NTNG1: variants seen among roughly 807,000 people sequenced by gnomAD.
The protein encoded by NTNG1 is netrin G1, also known as netrin-G1.
Under a neutral mutation model 54.0 loss-of-function variants are expected in NTNG1, and 16 were observed. The ratio of observed to expected loss-of-function variants is 0.30; its 90% CI spans 0.20 to 0.45. NTNG1 has a LOEUF of 0.45. Ranked by LOEUF, NTNG1 falls within the 20% of genes least tolerant of loss-of-function variation. NTNG1 has a pLI of 1.00. For synonymous variants in NTNG1, 255 were observed against 263.1 expected, an observed-to-expected ratio of 0.97 and a Z score of 0.30; for missense variants, 530 against 678.7, an observed-to-expected ratio of 0.78 and a Z score of 2.43.
In NTNG1 at chr1:107,192,274, G is replaced by C. The variant is rs551317043; in HGVS notation, c.246+43435G>C. On this transcript the variant is annotated intron_variant, in intron 2 of 7. Transcript: ENST00000370068. ...TTTTGTACCATCTTACACTCTACTT[G>C]CTCTGTGCCCCTGTGTGTCTGACTT... 5.8e-4 allele frequency among the ~76,000 whole-genome samples: 88 copies of C among 152,056 alleles called. 3 individuals are homozygous for C. In the South Asian group the frequency reaches 0.018, roughly 30 times the overall value.
intron 3 of NTNG1, among the ~76,000 whole-genome samples, chr1:107,370,509 C>G (rs984139708): frequency 2.0e-5 from 3 of 151,832 alleles, no homozygotes; most frequent in Admixed American, 2.0e-4. Context: ...CCCTCACCCC[C>G]CTTTCATACT....
At chr1:107,440,922 G>A (rs969077024) in intron 7 of NTNG1, among the ~76,000 whole-genome samples, 10 of 152,104 alleles carry the variant, frequency 6.6e-5, no homozygotes, top group Admixed American at 2.6e-4. Flanking sequence ...TCTTTAGACA[G>A]CATAGAACAA....
chr1:107,206,554 G>A (rs79983254), intron 2 of NTNG1, among the ~76,000 whole-genome samples: 30 of 152,190 alleles, frequency 2.0e-4, no homozygotes, highest in African/African-American at 7.2e-4. Flanking sequence ...TTCTTCTCAT[G>A]TGCCTTTCAC....
chr1:107,329,458 C>A (rs74110611), intron 3 of NTNG1, among the ~76,000 whole-genome samples: 1 of 152,094 alleles, frequency 6.6e-6, no homozygotes, highest in African/African-American at 2.4e-5. Context: ...ATGGTTAGTG[C>A]GAAAGATGTG....
intron 7 of NTNG1, among the ~76,000 whole-genome samples, chr1:107,474,523 G>C (rs1488402066): frequency 6.6e-6 from 1 of 152,190 alleles, no homozygotes; most frequent in African/African-American, 2.4e-5. Flanking sequence ...GTGCAAGAGA[G>C]TCCCATGATT....
chr1:107,321,776 T>C (rs1189833710), intron 2 of NTNG1, among the ~76,000 whole-genome samples: 3 of 152,110 alleles, frequency 2.0e-5, no homozygotes, highest in Admixed American at 1.3e-4. Context: ...TATTTGGTCT[T>C]AGACATTTCC....
chr1:107,154,749 GATATAT>G (rs34011515), intron 2 of NTNG1, among the ~76,000 whole-genome samples: 1 of 147,406 alleles, frequency 6.8e-6, no homozygotes, highest in Non-Finnish European at 1.5e-5. Context: ...TAAAGAACCT[GATATAT>G]ATATATATAT....
At chr1:107,328,762 A>G (rs986829625) in intron 3 of NTNG1, among the ~76,000 whole-genome samples, 1 of 152,144 alleles carries the variant, frequency 6.6e-6, no homozygotes, top group Non-Finnish European at 1.5e-5. Context: ...TATTTCTTTG[A>G]GGTAAACAAT....
chr1:107,236,962 T>C (rs1228882167), intron 2 of NTNG1, among the ~76,000 whole-genome samples: 1 of 152,122 alleles, frequency 6.6e-6, no homozygotes, highest in Non-Finnish European at 1.5e-5. Context: ...AAGTGGGGTG[T>C]TGCTGAAAAG....
intron 2 of NTNG1, among the ~76,000 whole-genome samples, chr1:107,156,375 G>A (rs1654999565): frequency 6.6e-6 from 1 of 152,000 alleles, no homozygotes; most frequent in South Asian, 2.1e-4. Flanking sequence ...AGGAGGTTTG[G>A]TATGTGAGGA....
intron 2 of NTNG1, among the ~76,000 whole-genome samples, chr1:107,312,622 C>T (rs1570651856): frequency 6.6e-6 from 1 of 152,122 alleles, no homozygotes; most frequent in Non-Finnish European, 1.5e-5. Flanking sequence ...CCAGAGGCTA[C>T]TTGCATGCAG....
intron 2 of NTNG1, among the ~76,000 whole-genome samples, chr1:107,244,471 T>C (rs1214521079): frequency 6.6e-6 from 1 of 152,234 alleles, no homozygotes; most frequent in African/African-American, 2.4e-5. Context: ...TGCTGCTGTC[T>C]TAGAAATAAT....
intron 2 of NTNG1, among the ~76,000 whole-genome samples, chr1:107,165,199 C>G (rs940453314): frequency 6.6e-6 from 1 of 152,030 alleles, no homozygotes; most frequent in Non-Finnish European, 1.5e-5. Context: ...AAGCTGTTTA[C>G]TGAAACTAGA....
chr1:107,144,674 T>TA (rs994225172), intron 1 of NTNG1, among the ~76,000 whole-genome samples: 29 of 151,976 alleles, frequency 1.9e-4, no homozygotes, highest in African/African-American at 6.8e-4. Flanking sequence ...CCTGGACAAA[T>TA]ACATGTTTTG....
chr1:107,409,927 C>G (rs1673687795), intron 5 of NTNG1: 1 of 152,102 alleles, frequency 6.6e-6, no homozygotes, highest in African/African-American at 2.4e-5. Flanking sequence ...TTTGCGTGCA[C>G]TCGTGGATTC....
intron 2 of NTNG1, among the ~76,000 whole-genome samples, chr1:107,320,327 A>G (rs1424095789): frequency 6.6e-6 from 1 of 152,160 alleles, no homozygotes. Context: ...CCTGCTGGCC[A>G]CAAAATAATT....
At chr1:107,328,293 C>T (rs141728735) in intron 3 of NTNG1, among the ~76,000 whole-genome samples, 46 of 152,186 alleles carry the variant, frequency 3.0e-4, no homozygotes, top group African/African-American at 1.1e-3. Context: ...TGTGCCAGTA[C>T]CTTAATTAAA....
At position 107,480,900 on chromosome 1, in the gene NTNG1, C is replaced by T. The variant is rs757443887; in HGVS notation, c.*60C>T. The T allele has an allele frequency of 6.8e-5, 87 of 1,283,010 alleles. No individual in the cohort carries two copies. The highest frequency in any genetic ancestry group is 5.3e-5 in the Non-Finnish European group (48 of 910,494). The allele number at this position is 1,283,010 out of a possible 1,614,324, so 79.5% of individuals were successfully genotyped here. On this transcript the variant is annotated 3_prime_UTR_variant, in exon 8 of 8. Transcript: ENST00000370068. ...CGTGGGGAAGCAGACACAACCCAAACATTTGCTACTAACATAGGAAACACA... is the reference window on the plus strand; with the variant it reads ...CGTGGGGAAGCAGACACAACCCAAATATTTGCTACTAACATAGGAAACACA...
At chr1:107,331,525 A>G (rs1419557920) in intron 3 of NTNG1, among the ~76,000 whole-genome samples, 1 of 152,110 alleles carries the variant, frequency 6.6e-6, no homozygotes. Flanking sequence ...TTATTTTTCC[A>G]TGGGGAGACA....
Sources: allele counts gnomAD v4.1 joint callset (sites outside exome capture counted in the v4.1 genomes callset), GRCh38; gene constraint gnomAD v4.1.1; transcripts MANE v1.5; gene names NCBI Gene and HGNC (gene_info 2026-07-23, HGNC 2026-07-21).